The following ANKLE2 variants were observed in gnomAD, a reference collection of about 807,000 sequenced individuals.
ANKLE2 encodes ankyrin repeat and LEM domain-containing protein 2.
Under a neutral mutation model 84.2 loss-of-function variants are expected in ANKLE2, and 55 were observed. The ratio of observed to expected loss-of-function variants is 0.65; its 90% CI spans 0.53 to 0.82. The LOEUF is 0.82. Among genes scored for constraint, ANKLE2 ranks in the 40% least tolerant of loss-of-function variants. ANKLE2 has a pLI of 0.00. For synonymous variants in ANKLE2, 551 were observed against 486.1 expected (o/e 1.13, Z -1.76); for missense variants, 1,238 against 1,201.9 (o/e 1.03, Z -0.44).
At chr12:132,748,087 G>A (rs756016238) in intron 4 of ANKLE2, 51 bp downstream of exon 4, 46 of 1,605,574 alleles carry the variant, frequency 2.9e-5, no homozygotes, top group South Asian at 4.4e-5. Flanking sequence ...CGAGTGCTGC[G>A]ATGGAACGGC....
chr12:132,729,004 T>C (rs905467083), intron 11 of ANKLE2, among the ~76,000 whole-genome samples: 3 of 151,950 alleles, frequency 2.0e-5, no homozygotes, highest in African/African-American at 4.8e-5. Flanking sequence ...AGAAAGAGCA[T>C]CTAGAAGCTG....
In ANKLE2 at chr12:132,754,727, C is replaced by T. The variant is rs544909808; in HGVS notation, c.588G>A (p.Pro196=). The change falls in exon 2 of 13, where the codon CCG becomes CCA. Residue 196 remains proline (P), a synonymous_variant. Transcript: ENST00000357997. The part of the protein sequence containing the change: ...YRAGATASKE[P]PLYYGVCPVY... ...CTGGACACACCCCATAGTACAGGGG[C>T]GGCTCCTTAGACGCAGTCGCTCCAG... The T allele has an allele frequency of 2.9e-5, 47 of 1,614,054 alleles. No homozygotes were observed. The highest frequency in any genetic ancestry group is 3.5e-5 in the Non-Finnish European group (41 of 1,180,000).
chr12:132,728,380 C>T (rs529518652), intron 11 of ANKLE2, among the ~76,000 whole-genome samples: 1 of 152,276 alleles, frequency 6.6e-6, no homozygotes, highest in Non-Finnish European at 1.5e-5. Flanking sequence ...AGGTGCCTGC[C>T]ACCACGCCCG....
chr12:132,740,215 C>T lies in ANKLE2; in HGVS notation c.1420+1204G>A, dbSNP rs532884406. ...CTCAACGGCCCTGAGGAGGAACTCTCGCCGCTAACAGCATGCAGGATTCAT... is the reference window on the plus strand; with the variant it reads ...CTCAACGGCCCTGAGGAGGAACTCTTGCCGCTAACAGCATGCAGGATTCAT... On this transcript the variant is annotated intron_variant, in intron 7 of 12. Coordinates refer to ENST00000357997, the MANE Select transcript of ANKLE2 (RefSeq NM_015114.3). 1.8e-4 allele frequency among the ~76,000 whole-genome samples: 27 copies of T among 152,288 alleles called. 1 individual carries two copies. In the South Asian group the frequency reaches 5.4e-3, roughly 30 times the overall value.
At chr12:132,756,285 G>A (rs887695314) in intron 1 of ANKLE2, 2 of 151,902 alleles carry the variant, frequency 1.3e-5, no homozygotes, top group Admixed American at 1.3e-4. Context: ...CAAGAGAATT[G>A]CTTGAACCCA....
chr12:132,746,023 AAT>A (rs980674077), intron 5 of ANKLE2, among the ~76,000 whole-genome samples: 1 of 152,216 alleles, frequency 6.6e-6, no homozygotes, highest in Non-Finnish European at 1.5e-5. Flanking sequence ...GAGGATTTGA[AAT>A]ACTGAGCCAA....
At chr12:132,741,374 T>C in intron 7 of ANKLE2, 45 bp downstream of exon 7, 1 of 1,600,206 alleles carries the variant, frequency 6.2e-7, no homozygotes, top group East Asian at 2.2e-5. Context: ...CCAAGGCCCT[T>C]CCCGGCGTGG....
At position 132,741,537 on chromosome 12, in the gene ANKLE2, AT is replaced by A. The variant is rs773873412; in HGVS notation, c.1354-53del. ...TCTTATTTGATCGCAACATTTCCTT[AT>A]CATTACAATGATTTCAGAAAAATAG... On this transcript the variant is annotated intron_variant, in intron 6 of 12. Coordinates refer to ENST00000357997, the MANE Select transcript of ANKLE2 (RefSeq NM_015114.3). The A allele has an allele frequency of 2.6e-6, 4 of 1,524,772 alleles. No homozygotes were observed. In the South Asian group the frequency reaches 4.5e-5, roughly 17 times the overall value. The allele number at this position is 1,524,772 out of a possible 1,614,324, so 94.5% of individuals were successfully genotyped here.
At chr12:132,757,146 C>T (rs529508669) in intron 1 of ANKLE2, 4 of 152,286 alleles carry the variant, frequency 2.6e-5, no homozygotes, top group Non-Finnish European at 5.9e-5. Context: ...GCACCATTAC[C>T]GTGTGAACAG....
chr12:132,760,368 C>T (rs2044600776), intron 1 of ANKLE2: 1 of 152,174 alleles, frequency 6.6e-6, no homozygotes, highest in Admixed American at 6.5e-5. Context: ...TGGACACAGG[C>T]TGGGTGTCGT....
chr12:132,756,965 A>G (rs2044500449), intron 1 of ANKLE2: 3 of 152,166 alleles, frequency 2.0e-5, no homozygotes, highest in Non-Finnish European at 2.9e-5. Flanking sequence ...ACAAAAAAAA[A>G]AGAAATAAGT....
At chr12:132,746,348 C>CAAAAAAAAAAAAAAAAAAAAAAAA (rs566130639) in intron 5 of ANKLE2, among the ~76,000 whole-genome samples, 12 of 66,508 alleles carry the variant, frequency 1.8e-4, no homozygotes, top group Non-Finnish European at 3.3e-4. Context: ...GACTCTGTCT[C>CAAAAAAAAAAAAAAAAAAAAAAAA]AAAAAAAAAA....
At chr12:132,759,559 GC>G (rs1390429220) in intron 1 of ANKLE2, 1 of 152,072 alleles carries the variant, frequency 6.6e-6, no homozygotes, top group Admixed American at 6.6e-5. Context: ...CGTATCATAT[GC>G]CATGATATAC....
In ANKLE2 at chr12:132,729,789, TTC is replaced by T; in HGVS notation, c.2371_2372del (p.Glu791LysfsTer2). 1 of 1,612,962 alleles carries T rather than the reference TTC, an allele frequency of 6.2e-7. No individual in the cohort carries two copies. Among genetic ancestry groups the T allele is most frequent in the Non-Finnish European group, 8.5e-7 (1 of 1,179,728 alleles). On this transcript the variant is annotated frameshift_variant, in exon 11 of 13. Coordinates refer to ENST00000357997, the MANE Select transcript of ANKLE2 (RefSeq NM_015114.3). LOFTEE classifies it high-confidence loss of function. ...DQLGNGHRRT[E>X]SEMSARIAKM... ...TAGCGATCCTGGCTGACATTTCACTTTCTGTCCTCCTGTGGCCATTCCCGAGT... is the reference window on the plus strand; with the variant it reads ...TAGCGATCCTGGCTGACATTTCACTTTGTCCTCCTGTGGCCATTCCCGAGT...
At chr12:132,739,702 C>A (rs1473818078) in intron 7 of ANKLE2, among the ~76,000 whole-genome samples, 2 of 152,178 alleles carry the variant, frequency 1.3e-5, no homozygotes, top group Non-Finnish European at 2.9e-5. Context: ...TTCACACAAG[C>A]GTGGGTCTCT....
At chr12:132,739,070 CAA>C (rs922279557) in intron 7 of ANKLE2, among the ~76,000 whole-genome samples, 5 of 151,926 alleles carry the variant, frequency 3.3e-5, no homozygotes, top group African/African-American at 1.2e-4. Context: ...CACATGGACA[CAA>C]AGAAGGAACA....
chr12:132,737,609 T>C (rs1376539854), intron 7 of ANKLE2: 1 of 151,892 alleles, frequency 6.6e-6, no homozygotes, highest in African/African-American at 2.4e-5. Flanking sequence ...CAGCTACTCA[T>C]GAGGCTGAGG....
intron 10 of ANKLE2, chr12:132,734,045 G>A (rs1259310035): frequency 2.1e-5 from 10 of 466,450 alleles, no homozygotes; most frequent in African/African-American, 4.0e-5. Context: ...AGACCAGCCT[G>A]GTCAATACGG....
rs563045182 is a variant in ANKLE2 at position 132,727,428 on chromosome 12, C to A, written c.2631G>T (p.Ala877=). 1 of 1,556,602 alleles carries A rather than the reference C, an allele frequency of 6.4e-7. No homozygotes were observed. The highest frequency in any genetic ancestry group is 8.7e-7 in the Non-Finnish European group (1 of 1,150,076). ...PSDRQSWPSP[A]VKGRFKSQLP... is the part of the protein sequence containing the mutation. The stretch of plus-strand genomic sequence containing the variant: ...GCTGAGACTTGAACCTTCCTTTCAC[C>A]GCGGGACTGGGCCAACTGCGGAAAG... The change falls in exon 13 of 13, where the codon GCG becomes GCT. Residue 877 remains alanine, a synonymous_variant. Coordinates refer to ENST00000357997, the MANE Select transcript of ANKLE2 (RefSeq NM_015114.3).
Sources: gnomAD v4.1 joint callset for allele counts (sites outside exome capture counted in the v4.1 genomes callset) on GRCh38, gnomAD v4.1.1 for gene constraint, MANE v1.5 for transcripts, NCBI Gene and HGNC (gene_info 2026-07-23, HGNC 2026-07-21) for gene names.